Variants in PLB1 observed in about 807,000 individuals in gnomAD.
PLB1 encodes the protein phospholipase B1, membrane-associated.
In PLB1, 242 loss-of-function variants were observed where a neutral mutation model predicts 227.4. That is an observed-to-expected ratio of 1.06 (90% CI 0.96 to 1.18). The LOEUF (loss-of-function observed/expected upper bound fraction) is 1.18. Among genes scored for constraint, PLB1 ranks in the 50% most tolerant of loss-of-function variants. The probability of loss-of-function intolerance (pLI) is 0.00; values close to 1 mark genes in which losing one functional copy is unlikely to be tolerated. For missense variants in PLB1, 1,858 were observed against 1,816.3 expected, an observed-to-expected ratio of 1.02 and a Z score of -0.42; for synonymous variants, 757 against 682.2, an observed-to-expected ratio of 1.11 and a Z score of -1.71.
chr2:28,640,668 G>A (rs566908681), intron 56 of PLB1, among the ~76,000 whole-genome samples: 12 of 152,292 alleles, frequency 7.9e-5, no homozygotes, highest in Admixed American at 5.2e-4. Flanking sequence ...GGGCCTTGCT[G>A]TACCCGGCAA....
At chr2:28,598,810 G>A in intron 35 of PLB1, 50 bp downstream of exon 35, 2 of 1,468,746 alleles carry the variant, frequency 1.4e-6, no homozygotes, top group Non-Finnish European at 1.9e-6. Context: ...AGTGGAATGT[G>A]GATAGTACCC....
intron 1 of PLB1, among the ~76,000 whole-genome samples, chr2:28,501,720 A>T (rs1279249583): frequency 6.6e-6 from 1 of 152,134 alleles, no homozygotes; most frequent in Non-Finnish European, 1.5e-5. Flanking sequence ...CTTGCACAAG[A>T]TAACCTACTA....
At chr2:28,610,487 C>A (rs1307983174) in intron 43 of PLB1, among the ~76,000 whole-genome samples, 1 of 152,078 alleles carries the variant, frequency 6.6e-6, no homozygotes. Flanking sequence ...GGATAGAAAA[C>A]CTCTTAGGAC....
chr2:28,504,681 G>A (rs1029333742), intron 1 of PLB1, among the ~76,000 whole-genome samples: 3 of 152,142 alleles, frequency 2.0e-5, no homozygotes, highest in Non-Finnish European at 4.4e-5. Context: ...GGTGGAGGTT[G>A]CAGTGAGCCG....
intron 51 of PLB1, 65 bp from the exon 52 acceptor site, chr2:28,628,498 A>G (rs551392302): frequency 1.9e-4 from 281 of 1,454,538 alleles, no homozygotes; most frequent in Non-Finnish European, 2.2e-4. Context: ...GAGCCCTCCT[A>G]TGCTCTTGCC....
chr2:28,591,631 T>C, intron 30 of PLB1, 69 bp from the exon 31 acceptor site: 2 of 1,502,766 alleles, frequency 1.3e-6, no homozygotes, highest in Non-Finnish European at 1.8e-6. Flanking sequence ...GTTCTTGGGG[T>C]ACATCTGATA....
intron 51 of PLB1, among the ~76,000 whole-genome samples, chr2:28,628,224 G>A (rs1688078040): frequency 6.6e-6 from 1 of 152,200 alleles, no homozygotes; most frequent in East Asian, 1.9e-4. Flanking sequence ...CATGGCAAGG[G>A]GCTGGAGAAG....
intron 1 of PLB1, among the ~76,000 whole-genome samples, chr2:28,514,146 A>G (rs971385328): frequency 7.2e-5 from 11 of 152,142 alleles, no homozygotes; most frequent in Non-Finnish European, 1.0e-4. Flanking sequence ...TTGAGGAGTG[A>G]TTTTCTTTTA....
intron 49 of PLB1, 56 bp downstream of exon 49, chr2:28,621,034 G>A: frequency 5.5e-6 from 8 of 1,466,772 alleles, no homozygotes. Flanking sequence ...ACATCAGGGT[G>A]GGAAACCGGA....
intron 35 of PLB1, among the ~76,000 whole-genome samples, chr2:28,600,064 T>C (rs1683622507): frequency 6.6e-6 from 1 of 152,024 alleles, no homozygotes; most frequent in Non-Finnish European, 1.5e-5. Context: ...TGTACCACTA[T>C]ACCTGGCTAA....
intron 1 of PLB1, among the ~76,000 whole-genome samples, chr2:28,514,249 C>CAA (rs1668585206): frequency 1.3e-5 from 2 of 152,116 alleles, no homozygotes; most frequent in African/African-American, 4.8e-5. Context: ...TCTGTTGACT[C>CAA]TATTTAAGTG....
intron 10 of PLB1, among the ~76,000 whole-genome samples, chr2:28,538,632 C>T (rs1392504356): frequency 1.3e-5 from 2 of 152,206 alleles, no homozygotes; most frequent in Non-Finnish European, 2.9e-5. Context: ...CCCTGCTCTT[C>T]CCTAAGGCCT....
intron 51 of PLB1, among the ~76,000 whole-genome samples, chr2:28,626,930 G>A (rs543806057): frequency 6.6e-6 from 1 of 152,304 alleles, no homozygotes; most frequent in East Asian, 1.9e-4. Flanking sequence ...AACCTCAGTG[G>A]TGGCCCTGGG....
rs767240996 is a variant in PLB1 at position 28,538,323 on chromosome 2, G to T, written c.560G>T (p.Gly187Val). The T allele has an allele frequency of 2.5e-6, 4 of 1,614,050 alleles. No individual in the cohort carries two copies. Among genetic ancestry groups the T allele is most frequent in the Non-Finnish European group, 3.4e-6 (4 of 1,180,022 alleles). The change falls in exon 10 of 58, where the codon GGG (glycine) becomes GTG (valine). Residue 187 changes from glycine to valine, a missense_variant. Physicochemically the swap from Gly to Val is moderately radical, Grantham distance 109. Transcript: ENST00000327757. The stretch of plus-strand genomic sequence containing the variant: ...AGCACGGTTCTCCTCTCACAGAATG[G>T]GCTTGCGGCGGGCGGCGTGGATGAG... ...CYLCPSAQQN[G>V]LAAGGVDELM...
At chr2:28,552,586 C>T (rs187879218) in intron 16 of PLB1, among the ~76,000 whole-genome samples, 2 of 152,252 alleles carry the variant, frequency 1.3e-5, no homozygotes, top group African/African-American at 4.8e-5. Context: ...CATCAGATCA[C>T]GTTGAGAATG....
chr2:28,558,528 C>T (rs1427259677), intron 17 of PLB1, among the ~76,000 whole-genome samples: 1 of 152,198 alleles, frequency 6.6e-6, no homozygotes. Flanking sequence ...TTCTCCTGCA[C>T]AGCCTGATGG....
rs149826765 is a variant in PLB1, at chr2:28,581,482, C to CAAAA, written c.1567-582_1567-579dup. Reference sequence around the variant, plus strand: ...TATGGAGTAGATCCAGAGCTCCACGCAAAAAAATAAATAAATAAATAAATA... The same window carrying CAAAA: ...TATGGAGTAGATCCAGAGCTCCACGCAAAAAAAAAAATAAATAAATAAATAAATA... On this transcript the variant is annotated intron_variant, in intron 23 of 57. Transcript: ENST00000327757. Among the ~76,000 whole-genome samples, 516 of 58,296 alleles carry CAAAA rather than the reference C, an allele frequency of 8.9e-3. 11 individuals carry two copies. The highest frequency in any genetic ancestry group is 0.042 in the African/African-American group (482 of 11,460). The allele number at this position is 58,296 out of a possible 152,430, so 38.2% of individuals were successfully genotyped here.
rs543855510 is a variant in PLB1 at position 28,606,630 on chromosome 2, A to G, written c.3129+63A>G. On this transcript the variant is annotated intron_variant, in intron 43 of 57. Transcript: ENST00000327757. ...CCAGGGCACACAGCTCGCCCTACCCACTTCGTCCTCCACCACAGCTTCCTC... is the reference window on the plus strand; with the variant it reads ...CCAGGGCACACAGCTCGCCCTACCCGCTTCGTCCTCCACCACAGCTTCCTC... The G allele has an allele frequency of 2.7e-5, 39 of 1,460,788 alleles. 1 individual carries two copies. The South Asian group carries it at 4.1e-4, about 15-fold the overall frequency. 90.5% of individuals were successfully genotyped at this position (1,460,788 alleles called of 1,614,324 possible).
At chr2:28,596,924 A>T (rs1311087053) in intron 33 of PLB1, among the ~76,000 whole-genome samples, 1 of 152,228 alleles carries the variant, frequency 6.6e-6, no homozygotes, top group African/African-American at 2.4e-5. Flanking sequence ...CCTGTCCCTT[A>T]GAAGTCTTTG....
Sources: allele counts gnomAD v4.1 joint callset (sites outside exome capture counted in the v4.1 genomes callset), GRCh38; gene constraint gnomAD v4.1.1; transcripts MANE v1.5; gene names NCBI Gene and HGNC (gene_info 2026-07-23, HGNC 2026-07-21).